The following IMPDH1 variants were observed in gnomAD, a reference collection of about 807,000 sequenced individuals.
IMPDH1 encodes the protein inosine-5'-monophosphate dehydrogenase 1.
Under a neutral mutation model 73.5 loss-of-function variants are expected in IMPDH1, and 41 were observed. The observed-to-expected ratio is 0.56, with a 90% confidence interval of 0.43 to 0.72. The LOEUF is 0.72. IMPDH1 is among the 30% of genes least tolerant of loss of function. The probability of loss-of-function intolerance (pLI) is 0.00; values close to 1 mark genes in which losing one functional copy is unlikely to be tolerated. For synonymous variants in IMPDH1, 318 were observed against 334.3 expected, an observed-to-expected ratio of 0.95 and a Z score of 0.53; for missense variants, 645 against 824.8, an observed-to-expected ratio of 0.78 and a Z score of 2.67.
rs754158159 is a variant in IMPDH1, at chr7:128,394,474, C to A, written c.1676G>T (p.Arg559Leu). ...IQHGCQDIGA[R>L]SLSVLRSMMY... ...CACTCACCGAAGGACAGACAGGCTG[C>A]GGGCCCCGATATCCTGGCAGCCGTG... Residue 559 changes from arginine to leucine, a missense_variant, in exon 15 of 17, where the codon CGC (arginine) becomes CTC (leucine). By Grantham distance (102) the Arg-to-Leu change is moderately radical. Around this residue, in one of 2 missense-constraint regions of IMPDH1, gnomAD observed 459 missense variants for 638.2 expected, o/e 0.72. Transcript: ENST00000338791. The surrounding 1 kb of genome is among the most constrained non-coding windows in gnomAD (Gnocchi z 5.5). The A allele has an allele frequency of 1.2e-6, 2 of 1,614,068 alleles. No homozygotes were observed. The highest frequency in any genetic ancestry group is 2.2e-5 in the South Asian group (2 of 91,084).
Position 128,393,710 on chromosome 7 carries a change from G to A in IMPDH1, c.1778+568C>T, listed in dbSNP as rs528528839. 1.0e-4 allele frequency: 19 copies of A among 190,178 alleles called. No homozygotes were observed. The East Asian group carries it at 1.5e-3, about 15-fold the overall frequency. 11.8% of individuals were successfully genotyped at this position (190,178 alleles called of 1,614,324 possible). On this transcript the variant is annotated intron_variant, in intron 16 of 16. Transcript: ENST00000338791. ...CTACTCTACGCTTGGCCCGGGCAGC[G>A]CGGTTACTTACACGGCAGAAAGGTA...
intron 4 of IMPDH1, among the ~76,000 whole-genome samples, chr7:128,405,560 G>A (rs1482682245): frequency 6.6e-6 from 1 of 152,212 alleles, no homozygotes; most frequent in African/African-American, 2.4e-5. Flanking sequence ...CCAGAAACGG[G>A]TCAGGGCTCT....
In IMPDH1 at chr7:128,396,019, C is replaced by G. The variant is rs913970385; in HGVS notation, c.1261+581G>C. Among the ~76,000 whole-genome samples, 1 of 152,118 alleles carries G rather than the reference C, an allele frequency of 6.6e-6. No individual in the cohort carries two copies. Among genetic ancestry groups the G allele is most frequent in the South Asian group, 2.1e-4 (1 of 4,830 alleles). On this transcript the variant is annotated intron_variant, in intron 12 of 16. Coordinates refer to ENST00000338791, the MANE Select transcript of IMPDH1 (RefSeq NM_000883.4). This position sits in a 1 kb window ranked among gnomAD's most constrained non-coding sequence, Gnocchi z 4.0. ...GAGAAATTGCCCTCACAGGAGGGGC[C>G]GGGTACATCTCCTCAGGCCAAGTGA...
At chr7:128,404,827 G>A (rs1350459067) in intron 4 of IMPDH1, among the ~76,000 whole-genome samples, 11 of 152,222 alleles carry the variant, frequency 7.2e-5, no homozygotes, top group Admixed American at 7.2e-4. Context: ...AGAGGCCACA[G>A]AAGAAATGCT....
Position 128,403,827 on chromosome 7 carries a change from G to C in IMPDH1, c.354-73C>G, listed in dbSNP as rs1056129068. 26 of 1,309,336 alleles carry C rather than the reference G, an allele frequency of 2.0e-5. 1 individual carries two copies. In the African/African-American group the frequency reaches 3.8e-4, roughly 19 times the overall value. 81.1% of individuals were successfully genotyped at this position (1,309,336 alleles called of 1,614,324 possible). A position where few individuals can be genotyped will look rare whatever the true frequency, so the allele number is the denominator to read the frequency against. On this transcript the variant is annotated intron_variant, in intron 4 of 16. Coordinates refer to ENST00000338791, the MANE Select transcript of IMPDH1 (RefSeq NM_000883.4). ...AAGGGGCAGAGCCTGCCATGCCAGAGGAGGCAGCAGGGGGGTACAGAAAAG... is the reference window on the plus strand; with the variant it reads ...AAGGGGCAGAGCCTGCCATGCCAGACGAGGCAGCAGGGGGGTACAGAAAAG...
At position 128,409,737 on chromosome 7, in the gene IMPDH1, G is replaced by T. The variant is rs1287867945; in HGVS notation, c.146+19C>A. On this transcript the variant is annotated intron_variant, in intron 1 of 16. Transcript: ENST00000338791. ...CGCCCGCCCCGGATGCGCCCCGCGC[G>T]CTCTGCCCTGGGCGTCACCTCTCGG... 2.0e-6 allele frequency: 3 copies of T among 1,525,760 alleles called. No individual in the cohort carries two copies. Among genetic ancestry groups the T allele is most frequent in the Non-Finnish European group, 2.6e-6 (3 of 1,141,954 alleles). 94.5% of individuals were successfully genotyped at this position (1,525,760 alleles called of 1,614,324 possible).
In IMPDH1 at chr7:128,394,859, C is replaced by A. The variant is rs1479334942; in HGVS notation, c.1550+30G>T. On this transcript the variant is annotated intron_variant, in intron 14 of 16. Coordinates refer to ENST00000338791, the MANE Select transcript of IMPDH1 (RefSeq NM_000883.4). The surrounding 1 kb of genome is among the most constrained non-coding windows in gnomAD (Gnocchi z 5.5). ...GGGCCCTGAAGGGTTGTGGGCTGAT[C>A]TGCCCAGGTGGGGCCCAGGGTCAGG... 6.2e-7 allele frequency: 1 copy of A among 1,610,238 alleles called. No homozygotes were observed. Among genetic ancestry groups the A allele is most frequent in the Non-Finnish European group, 8.5e-7 (1 of 1,179,718 alleles).
chr7:128,400,264 C>T, intron 8 of IMPDH1, 69 bp downstream of exon 8: 1 of 1,595,948 alleles, frequency 6.3e-7, no homozygotes, highest in African/African-American at 1.3e-5. Context: ...TGGTCACAGG[C>T]ACCAGTCTGA....
chr7:128,402,352 C>G (rs905539775), intron 5 of IMPDH1, among the ~76,000 whole-genome samples: 1 of 152,228 alleles, frequency 6.6e-6, no homozygotes, highest in Non-Finnish European at 1.5e-5. Context: ...ATCCTCCTGC[C>G]TCAGCCTCCC....
At chr7:128,402,293 G>A (rs1398516624) in intron 5 of IMPDH1, among the ~76,000 whole-genome samples, 1 of 152,066 alleles carries the variant, frequency 6.6e-6, no homozygotes, top group Admixed American at 6.6e-5. Flanking sequence ...AGTAGAGATG[G>A]GGTTTCACCA....
At chr7:128,400,071 A>G (rs778095872) in intron 9 of IMPDH1, 24 bp downstream of exon 9, 4 of 1,564,198 alleles carry the variant, frequency 2.6e-6, no homozygotes, top group Non-Finnish European at 3.5e-6. Flanking sequence ...CTGGGGGTTG[A>G]GTTTTCAACT....
chr7:128,400,198 C>T lies in IMPDH1; in HGVS notation c.787-16G>A. On this transcript the variant is annotated splice_polypyrimidine_tract_variant and intron_variant, in intron 8 of 16. Coordinates refer to ENST00000338791, the MANE Select transcript of IMPDH1 (RefSeq NM_000883.4). ...GCGTCATCACCTGTGGGGCCAGGAACATTTGCCTGCAGGTTGGCAGGTGAG... is the reference window on the plus strand; with the variant it reads ...GCGTCATCACCTGTGGGGCCAGGAATATTTGCCTGCAGGTTGGCAGGTGAG... 1.2e-6 allele frequency: 2 copies of T among 1,614,080 alleles called. No homozygotes were observed. The highest frequency in any genetic ancestry group is 1.7e-6 in the Non-Finnish European group (2 of 1,179,970).
intron 9 of IMPDH1, among the ~76,000 whole-genome samples, chr7:128,399,804 T>C (rs1798188526): frequency 6.6e-6 from 1 of 152,264 alleles, no homozygotes; most frequent in Admixed American, 6.5e-5. Context: ...GTGCAATTCT[T>C]TATGCAAGAT....
rs62481097 is a variant in IMPDH1 at position 128,394,653 on chromosome 7, C to A, written c.1551-54G>T. 3.1e-6 allele frequency: 5 copies of A among 1,605,256 alleles called. No individual in the cohort carries two copies. Among genetic ancestry groups the A allele is most frequent in the Non-Finnish European group, 4.3e-6 (5 of 1,176,034 alleles). On this transcript the variant is annotated intron_variant, in intron 14 of 16. Coordinates refer to ENST00000338791, the MANE Select transcript of IMPDH1 (RefSeq NM_000883.4). This position sits in a 1 kb window ranked among gnomAD's most constrained non-coding sequence, Gnocchi z 5.5. ...GCAGCTTGAAGCTCAGAGGACCCCA[C>A]CCCACCTCTTAAGGGCAAAAACGGG...
chr7:128,409,358 AG>A lies in IMPDH1; in HGVS notation c.191-7del. The A allele has an allele frequency of 6.2e-7, 1 of 1,614,210 alleles. No homozygotes were observed. Among genetic ancestry groups the A allele is most frequent in the Non-Finnish European group, 8.5e-7 (1 of 1,180,024 alleles). ...TAAGACCACTGAAGATAGTTCTAGG[AG>A]GAAACAGCTAAGGAGGGGTAAGCCA... On this transcript the variant is annotated splice_region_variant and splice_polypyrimidine_tract_variant and intron_variant, in intron 2 of 16. Coordinates refer to ENST00000338791, the MANE Select transcript of IMPDH1 (RefSeq NM_000883.4).
intron 5 of IMPDH1, 150 bp downstream of exon 5, chr7:128,403,556 T>G (rs970820216): frequency 3.5e-4 from 204 of 583,278 alleles, no homozygotes; most frequent in Non-Finnish European, 5.7e-4. Flanking sequence ...AGACTCTGTC[T>G]CCAAAAAAAA....
chr7:128,400,522 G>A lies in IMPDH1; in HGVS notation c.597C>T (p.Phe199=). 6.2e-7 allele frequency: 1 copy of A among 1,612,836 alleles called. No individual in the cohort carries two copies. The highest frequency in any genetic ancestry group is 8.5e-7 in the Non-Finnish European group (1 of 1,179,890). Residue 199 remains phenylalanine, a synonymous_variant, in exon 8 of 17, where the codon TTC becomes TTT. Transcript: ENST00000338791. ...GGCTCAGCACCACAGGGTCCGTGAT[G>A]AAGCCCTGTTCAAACTTCTGCGGGC... ...VRKVKKFEQG[F]ITDPVVLSPS...
intron 4 of IMPDH1, 48 bp downstream of exon 4, chr7:128,405,719 C>T (rs1321401626): frequency 1.5e-5 from 22 of 1,513,282 alleles, no homozygotes; most frequent in Non-Finnish European, 1.9e-5. Flanking sequence ...GCCCGGGGGT[C>T]GCGGCGCGTG....
At chr7:128,397,071 A>C in intron 10 of IMPDH1, 49 bp from the exon 11 acceptor site, 42 of 1,329,258 alleles carry the variant, frequency 3.2e-5, no homozygotes, top group Middle Eastern at 1.8e-4. Context: ...GAGGATTCTC[A>C]AGGCAGGAGG....
Sources: gnomAD v4.1 joint callset for allele counts (sites outside exome capture counted in the v4.1 genomes callset) on GRCh38, gnomAD v4.1.1 for gene constraint, gnomAD v4.1.1 regional missense constraint, Gnocchi (gnomAD v3.1) non-coding constraint, MANE v1.5 for transcripts, NCBI Gene and HGNC (gene_info 2026-07-23, HGNC 2026-07-21) for gene names.